Variants in NAV1 observed in about 807,000 individuals in gnomAD.
NAV1 encodes the protein pore membrane and/or filament interacting like protein 3.
A neutral mutation model predicts 175.2 loss-of-function variants in NAV1; 18 were observed. That is an observed-to-expected ratio of 0.10 (90% CI 0.07 to 0.15). The LOEUF (loss-of-function observed/expected upper bound fraction) is 0.15, where lower values mean the gene tolerates loss of function less well. Among genes scored for constraint, NAV1 ranks in the 10% least tolerant of loss-of-function variants. The probability of loss-of-function intolerance (pLI) is 1.00; values close to 1 mark genes in which losing one functional copy is unlikely to be tolerated. For synonymous variants in NAV1, 897 were observed against 978.7 expected (o/e 0.92, Z 1.56); for missense variants, 1,731 against 2,436.6 (o/e 0.71, Z 6.10).
chr1:201,660,290 C>T (rs916235678), intron 1 of NAV1, among the ~76,000 whole-genome samples: 19 of 152,172 alleles, frequency 1.2e-4, no homozygotes, highest in Admixed American at 5.2e-4. Context: ...GCTGTAGTGG[C>T]GGGGCTGAGA....
At chr1:201,658,855 C>G (rs1669504479) in intron 1 of NAV1, among the ~76,000 whole-genome samples, 2 of 152,234 alleles carry the variant, frequency 1.3e-5, no homozygotes, top group Admixed American at 1.3e-4. Context: ...AGGGAGAGGA[C>G]TCCTTCAGCC....
At chr1:201,733,520 A>G (rs901619278) in intron 3 of NAV1, 8 of 152,164 alleles carry the variant, frequency 5.3e-5, no homozygotes, top group Non-Finnish European at 1.0e-4. Context: ...TATATATTAA[A>G]TTAAAAAAAG....
intron 1 of NAV1, among the ~76,000 whole-genome samples, chr1:201,690,020 G>A (rs1670842757): frequency 7.0e-6 from 1 of 142,004 alleles, no homozygotes; most frequent in Admixed American, 7.1e-5. Flanking sequence ...TGTTTCCTCT[G>A]TGGCCTATAT....
chr1:201,646,211 C>T (rs945552304), upstream of NAV1, among the ~76,000 whole-genome samples: 7 of 152,232 alleles, frequency 4.6e-5, no homozygotes, highest in African/African-American at 1.7e-4. Context: ...CAGTTCTTCA[C>T]TGCTTGTCAT....
chr1:201,758,863 G>T (rs1674668903), intron 3 of NAV1, among the ~76,000 whole-genome samples: 1 of 151,958 alleles, frequency 6.6e-6, no homozygotes, highest in Non-Finnish European at 1.5e-5. Flanking sequence ...ACAGTCTTTA[G>T]AGTCAGACAG....
chr1:201,615,267 C>CTTTCT (rs1553244260), intron 2 of NAV1, among the ~76,000 whole-genome samples: 7,253 of 141,818 alleles, frequency 0.051, 206 homozygotes, highest in Middle Eastern at 0.07. Context: ...TTCTTTCTTT[C>CTTTCT]TTTTTTTTTT....
In NAV1 at chr1:201,539,880, C is replaced by T. The variant is rs1426681403; in HGVS notation, c.-144+538C>T. On this transcript the variant is annotated intron_variant, in intron 1 of 33. Transcript: ENST00000685211. The surrounding 1 kb of genome is among the most constrained non-coding windows in gnomAD (Gnocchi z 5.6). ...ACGTTCCCCGCACCCCCGGGATGCGCCGGGAAGCGCCCTCCCGCCAATCTC... is the reference window on the plus strand; with the variant it reads ...ACGTTCCCCGCACCCCCGGGATGCGTCGGGAAGCGCCCTCCCGCCAATCTC... 1.3e-5 allele frequency among the ~76,000 whole-genome samples: 2 copies of T among 152,176 alleles called. No homozygotes were observed. The highest frequency in any genetic ancestry group is 2.1e-4 in the South Asian group (1 of 4,826).
At chr1:201,547,776 C>T (rs1429674410) in intron 1 of NAV1, among the ~76,000 whole-genome samples, 1 of 152,158 alleles carries the variant, frequency 6.6e-6, no homozygotes, top group Non-Finnish European at 1.5e-5. Context: ...TCTGTATCCT[C>T]TTCACTAGGT....
At chr1:201,794,575 A>C (rs908449007) in exon 15 of NAV1, 20 of 1,611,248 alleles carry the variant, frequency 1.2e-5, no homozygotes, top group Non-Finnish European at 1.7e-5. Flanking sequence ...ACCACACCCA[A>C]AGGTAGGACA....
At chr1:201,614,194 CTCTT>C (rs1667935854) in intron 2 of NAV1, among the ~76,000 whole-genome samples, 1 of 152,170 alleles carries the variant, frequency 6.6e-6, no homozygotes, top group Non-Finnish European at 1.5e-5. Context: ...TTTCCTTGTC[CTCTT>C]TCTTTCTTTT....
chr1:201,549,080 T>TTTCC (rs1491271906), intron 1 of NAV1, among the ~76,000 whole-genome samples: 551 of 26,402 alleles, frequency 0.021, 4 homozygotes, highest in African/African-American at 0.049. Flanking sequence ...TAGTTTTCTC[T>TTTCC]TTCTTTCTTT....
chr1:201,786,327 A>C, intron 8 of NAV1, 102 bp from the exon 13 acceptor site: 2 of 1,225,936 alleles, frequency 1.6e-6, no homozygotes, highest in Non-Finnish European at 2.3e-6. Context: ...TCCTGCTTTC[A>C]GAATCTCCTG....
chr1:201,785,304 C>A lies in NAV1; in HGVS notation c.2805-6C>A. 1 of 1,594,886 alleles carries A rather than the reference C, an allele frequency of 6.3e-7. No homozygotes were observed. Among genetic ancestry groups the A allele is most frequent in the Admixed American group, 1.7e-5 (1 of 57,368 alleles). On this transcript the variant is annotated splice_polypyrimidine_tract_variant and splice_region_variant and intron_variant, in intron 7 of 29. Coordinates refer to ENST00000367296, the Ensembl canonical transcript of NAV1. ...TCTCTTTTTTTTTTTTTTTTTATCT[C>A]CACAGTAATCAGCGGGATCGGAACA... is the stretch of plus-strand genomic sequence containing the variant.
intron 2 of NAV1, among the ~76,000 whole-genome samples, chr1:201,641,190 C>G (rs553156671): frequency 2.0e-5 from 3 of 152,334 alleles, no homozygotes; most frequent in African/African-American, 7.2e-5. Flanking sequence ...CTTGGTTCCT[C>G]TCTTTCCCAC....
intron 3 of NAV1, among the ~76,000 whole-genome samples, chr1:201,726,933 G>C (rs1385950088): frequency 6.6e-6 from 1 of 152,196 alleles, no homozygotes; most frequent in Non-Finnish European, 1.5e-5. Context: ...CAGAGCCATA[G>C]CATGGTTTAG....
At chr1:201,549,857 A>C (rs1184775303) in intron 1 of NAV1, among the ~76,000 whole-genome samples, 2 of 151,272 alleles carry the variant, frequency 1.3e-5, no homozygotes, top group African/African-American at 4.9e-5. Context: ...AAAAATACAA[A>C]AAAATTAGCC....
At chr1:201,635,348 T>G (rs1032412663) in intron 2 of NAV1, among the ~76,000 whole-genome samples, 1 of 152,156 alleles carries the variant, frequency 6.6e-6, no homozygotes, top group African/African-American at 2.4e-5. Flanking sequence ...CCCAACCCAT[T>G]TGCCAATTTT....
intron 3 of NAV1, among the ~76,000 whole-genome samples, chr1:201,727,514 C>G (rs1434234221): frequency 6.6e-6 from 1 of 152,194 alleles, no homozygotes; most frequent in African/African-American, 2.4e-5. Context: ...TGACCTCTTT[C>G]CCATCATGAC....
chr1:201,723,778 A>G (rs918199168), intron 3 of NAV1: 3 of 152,346 alleles, frequency 2.0e-5, no homozygotes, highest in Non-Finnish European at 4.4e-5. Context: ...ATTCCATATC[A>G]TACAGAATTA....
Sources: allele counts gnomAD v4.1 joint callset (sites outside exome capture counted in the v4.1 genomes callset), GRCh38; gene constraint gnomAD v4.1.1; non-coding constraint Gnocchi (gnomAD v3.1); transcripts MANE v1.5; gene names NCBI Gene and HGNC (gene_info 2026-07-23, HGNC 2026-07-21).